Variants in NBEA observed in about 807,000 individuals in gnomAD.
The protein encoded by NBEA is lysosomal-trafficking regulator 2.
In NBEA, 44 loss-of-function variants were observed where a neutral mutation model predicts 343.4. The observed-to-expected ratio is 0.13, with a 90% CI of 0.10 to 0.16. The LOEUF is 0.16. Ranked by LOEUF, NBEA falls within the 10% of genes least tolerant of loss-of-function variation. The probability of loss-of-function intolerance (pLI) is 1.00; values close to 1 mark genes in which losing one functional copy is unlikely to be tolerated. For missense variants in NBEA, 2,555 were observed against 3,631.3 expected (o/e 0.70, Z 7.62); for synonymous variants, 1,175 against 1,238.7 (o/e 0.95, Z 1.08).
intron 1 of NBEA, among the ~76,000 whole-genome samples, chr13:35,029,551 C>T (rs2062132816): frequency 6.6e-6 from 1 of 151,482 alleles, no homozygotes; most frequent in Non-Finnish European, 1.5e-5. Context: ...AAAGTGTTAC[C>T]ATTTTAGAGT....
intron 47 of NBEA, among the ~76,000 whole-genome samples, chr13:35,596,546 G>T (rs1291902076): frequency 1.3e-5 from 2 of 152,092 alleles, no homozygotes; most frequent in Non-Finnish European, 2.9e-5. Flanking sequence ...AACGCAAGCT[G>T]GGAAGAAGGA....
intron 34 of NBEA, chr13:35,251,590 G>T (rs780171492): frequency 1.1e-4 from 138 of 1,223,708 alleles, no homozygotes; most frequent in Non-Finnish European, 1.4e-4. Flanking sequence ...AGCAGTGGAA[G>T]CCAAACAGGT....
intron 40 of NBEA, among the ~76,000 whole-genome samples, chr13:35,458,804 A>G (rs2046727676): frequency 6.6e-6 from 1 of 152,180 alleles, no homozygotes; most frequent in South Asian, 2.1e-4. Flanking sequence ...AGGTCAAAAT[A>G]CCGCACCTAC....
At chr13:35,493,579 C>G (rs1449788086) in intron 41 of NBEA, among the ~76,000 whole-genome samples, 1 of 151,928 alleles carries the variant, frequency 6.6e-6, no homozygotes, top group Non-Finnish European at 1.5e-5. Context: ...ATACTTTACT[C>G]TTAAGTGTTT....
chr13:35,026,576 T>C (rs2062027161), intron 1 of NBEA, among the ~76,000 whole-genome samples: 1 of 152,182 alleles, frequency 6.6e-6, no homozygotes, highest in African/African-American at 2.4e-5. Flanking sequence ...ACTATCCTCT[T>C]TTGTTTCTGA....
chr13:35,388,639 A>C (rs989324958), intron 38 of NBEA, among the ~76,000 whole-genome samples: 2 of 152,188 alleles, frequency 1.3e-5, no homozygotes, highest in Admixed American at 6.6e-5. Context: ...ATTTTAGATC[A>C]TTTTAAGACT....
chr13:35,670,157 G>A (rs1158009500), intron 58 of NBEA, among the ~76,000 whole-genome samples: 1 of 152,184 alleles, frequency 6.6e-6, no homozygotes, highest in Non-Finnish European at 1.5e-5. Flanking sequence ...AATCAAAAGT[G>A]AAGCAACACT....
At chr13:35,435,992 T>A (rs866983272) in intron 39 of NBEA, among the ~76,000 whole-genome samples, 6 of 152,076 alleles carry the variant, frequency 3.9e-5, no homozygotes, top group African/African-American at 1.2e-4. Context: ...AAAAGCTATT[T>A]CAAATTATTC....
At chr13:35,556,850 T>C (rs1170141501) in intron 44 of NBEA, among the ~76,000 whole-genome samples, 1 of 152,168 alleles carries the variant, frequency 6.6e-6, no homozygotes, top group Non-Finnish European at 1.5e-5. Context: ...TTTCAAACTA[T>C]TGAAATTATG....
chr13:35,646,328 CGGAGCTCTGCCA>C lies in NBEA; in HGVS notation c.7751_7762del (p.Arg2584_Met2588delinsLeu). 1 of 1,613,484 alleles carries C rather than the reference CGGAGCTCTGCCA, an allele frequency of 6.2e-7. No homozygotes were observed. The highest frequency in any genetic ancestry group is 8.5e-7 in the Non-Finnish European group (1 of 1,179,578). On this transcript the variant is annotated inframe_deletion, in exon 51 of 59. Coordinates refer to ENST00000379939, the MANE Select transcript of NBEA (RefSeq NM_001385012.1). The stretch of plus-strand genomic sequence containing the variant: ...GTTGCTTATTGAGCCACATCCGCCT[CGGAGCTCTGCCA>C]TGCACCTGGTAAGACATATCAGCAT...
intron 58 of NBEA, 147 bp downstream of exon 58, chr13:35,668,666 G>C: frequency 3.9e-6 from 3 of 774,326 alleles, no homozygotes; most frequent in Non-Finnish European, 5.7e-6. Flanking sequence ...ATGAGGGGAA[G>C]AGTAAGGATT....
At chr13:35,134,361 C>CAA (rs574585049) in intron 17 of NBEA, among the ~76,000 whole-genome samples, 1 of 133,384 alleles carries the variant, frequency 7.5e-6, no homozygotes. Flanking sequence ...AGAAGATATA[C>CAA]AAAAAAAAAA....
At chr13:35,245,383 T>C (rs2031030495) in intron 34 of NBEA, among the ~76,000 whole-genome samples, 1 of 152,178 alleles carries the variant, frequency 6.6e-6, no homozygotes, top group African/African-American at 2.4e-5. Flanking sequence ...TTATAGGTTA[T>C]GTGAGATTCA....
intron 1 of NBEA, among the ~76,000 whole-genome samples, chr13:35,025,017 GTTAT>G (rs1488617322): frequency 6.6e-6 from 1 of 152,030 alleles, no homozygotes; most frequent in African/African-American, 2.4e-5. Context: ...TCTTAATGGG[GTTAT>G]TTGTTTTTTA....
At chr13:35,305,237 A>G (rs554249091) in intron 35 of NBEA, among the ~76,000 whole-genome samples, 19 of 152,286 alleles carry the variant, frequency 1.2e-4, no homozygotes, top group Admixed American at 3.9e-4. Flanking sequence ...TTCCAGTAGA[A>G]CTAAAAACCT....
chr13:35,065,587 A>G (rs2063622197), intron 8 of NBEA, among the ~76,000 whole-genome samples: 1 of 152,012 alleles, frequency 6.6e-6, no homozygotes. Flanking sequence ...TTGACTATGC[A>G]TGTTTATTTA....
rs557426003 is a variant in NBEA, at chr13:35,173,700, G to A, written c.4554+106G>A. On this transcript the variant is annotated intron_variant, in intron 27 of 58. Transcript: ENST00000379939. ...GTATTGCTCAGTGATAGAGAGCAAG[G>A]ACATTGTCATTAGGCAGCTCTAGGC... The A allele has an allele frequency of 4.6e-6, 5 of 1,098,004 alleles. No individual in the cohort carries two copies. The African/African-American group carries it at 6.4e-5, about 14-fold the overall frequency. The allele number at this position is 1,098,004 out of a possible 1,614,324, so 68.0% of individuals were successfully genotyped here. A position where few individuals can be genotyped will look rare whatever the true frequency, so the allele number is the denominator to read the frequency against.
At position 35,550,930 on chromosome 13, in the gene NBEA, C is replaced by T. The variant is rs528630327; in HGVS notation, c.6704C>T (p.Thr2235Ile). The T allele has an allele frequency of 3.8e-5, 61 of 1,589,042 alleles. No individual in the cohort carries two copies. The highest frequency in any genetic ancestry group is 5.2e-5 in the Non-Finnish European group (60 of 1,160,382). ...TALEVFMANRTSVMFNFPDQA... is the reference protein window; with the variant it reads ...TALEVFMANRISVMFNFPDQA... The stretch of plus-strand genomic sequence containing the variant: ...TCTGTTTTTTTTCTTCTTACCACAG[C>T]CTCAGTTATGTTTAATTTCCCTGAT... Residue 2235 changes from threonine (T) to isoleucine (I), a missense_variant and splice_region_variant, in exon 43 of 59, where the codon ACC becomes ATC. Thr to Ile is a moderately conservative substitution (Grantham distance 89). Transcript: ENST00000379939.
At chr13:35,047,933 C>T (rs1593579879) in intron 4 of NBEA, among the ~76,000 whole-genome samples, 1 of 151,684 alleles carries the variant, frequency 6.6e-6, no homozygotes, top group African/African-American at 2.4e-5. Flanking sequence ...AGAATGGCTA[C>T]ATTTTATTTG....
Sources: allele counts gnomAD v4.1 joint callset (sites outside exome capture counted in the v4.1 genomes callset), GRCh38; gene constraint gnomAD v4.1.1; transcripts MANE v1.5; gene names NCBI Gene and HGNC (gene_info 2026-07-23, HGNC 2026-07-21).